MAGI3: variants seen among roughly 807,000 people sequenced by gnomAD.
The protein encoded by MAGI3 is membrane-associated guanylate kinase, WW and PDZ domain-containing protein 3.
Under a neutral mutation model 121.8 loss-of-function variants are expected in MAGI3, and 43 were observed. That is an observed-to-expected ratio of 0.35 (90% CI 0.28 to 0.46). MAGI3 has a LOEUF of 0.46. Ranked by LOEUF, MAGI3 falls within the 20% of genes least tolerant of loss-of-function variation. The pLI is 1.00. For synonymous variants in MAGI3, 553 were observed against 639.3 expected (o/e 0.86, Z 2.04); for missense variants, 1,547 against 1,797.3 (o/e 0.86, Z 2.52).
intron 3 of MAGI3, among the ~76,000 whole-genome samples, chr1:113,583,846 T>C (rs1238578627): frequency 6.6e-6 from 1 of 152,122 alleles, no homozygotes; most frequent in Non-Finnish European, 1.5e-5. Flanking sequence ...AACAAGGGAG[T>C]AGGTGAGTAG....
intron 19 of MAGI3, among the ~76,000 whole-genome samples, chr1:113,680,411 G>A (rs1557889579): frequency 6.6e-6 from 1 of 152,076 alleles, no homozygotes; most frequent in Non-Finnish European, 1.5e-5. Context: ...CAATGTCCAG[G>A]TTTACTCACG....
chr1:113,618,663 G>A lies in MAGI3; in HGVS notation c.1077-1073G>A, dbSNP rs546710181. The A allele has an allele frequency of 3.9e-4, 123 of 316,954 alleles. 2 individuals carry two copies. The highest frequency in any genetic ancestry group is 1.5e-3 in the African/African-American group (63 of 43,184). 19.6% of individuals were successfully genotyped at this position (316,954 alleles called of 1,614,324 possible). A position where few individuals can be genotyped will look rare whatever the true frequency, so the allele number is the denominator to read the frequency against. On this transcript the variant is annotated intron_variant, in intron 7 of 20. Transcript: ENST00000307546. ...TGGGATTACAGGCATGCACCACCAC[G>A]CCCAGCTTATTTTTGTATTTTTAGT...
intron 1 of MAGI3, among the ~76,000 whole-genome samples, chr1:113,463,518 G>C (rs1655134460): frequency 6.6e-6 from 1 of 152,056 alleles, no homozygotes; most frequent in Admixed American, 6.6e-5. Flanking sequence ...AGAGAAGTTT[G>C]ATCATTGACT....
At chr1:113,540,608 G>T (rs1434727312) in intron 1 of MAGI3, among the ~76,000 whole-genome samples, 1 of 152,210 alleles carries the variant, frequency 6.6e-6, no homozygotes, top group Admixed American at 6.5e-5. Flanking sequence ...GGGTGTGGAG[G>T]TTAGAAGGGT....
chr1:113,525,560 ATTAT>A (rs1658411301), intron 1 of MAGI3, among the ~76,000 whole-genome samples: 1 of 151,794 alleles, frequency 6.6e-6, no homozygotes, highest in Admixed American at 6.6e-5. Flanking sequence ...TAATAGTTAA[ATTAT>A]TTAACTATTA....
chr1:113,618,165 CAA>C (rs55670134), intron 7 of MAGI3, among the ~76,000 whole-genome samples: 26 of 149,616 alleles, frequency 1.7e-4, no homozygotes, highest in Middle Eastern at 3.4e-3. Flanking sequence ...CCCATCTCTA[CAA>C]AAAAAAAAAA....
chr1:113,431,618 T>G (rs945848998), intron 1 of MAGI3, among the ~76,000 whole-genome samples: 2 of 152,150 alleles, frequency 1.3e-5, no homozygotes, highest in Admixed American at 1.3e-4. Flanking sequence ...AAGACAATAT[T>G]TATAATTTCA....
intron 6 of MAGI3, among the ~76,000 whole-genome samples, chr1:113,609,564 T>A (rs530245638): frequency 1.3e-5 from 2 of 152,188 alleles, no homozygotes; most frequent in South Asian, 4.1e-4. Flanking sequence ...ATTTCTCTTA[T>A]GATGAAAGAA....
chr1:113,655,553 T>C (rs2100990762), intron 15 of MAGI3, among the ~76,000 whole-genome samples: 1 of 152,092 alleles, frequency 6.6e-6, no homozygotes, highest in Admixed American at 6.5e-5. Context: ...TTTTAAAAAT[T>C]TAAAAATCTT....
intron 1 of MAGI3, among the ~76,000 whole-genome samples, chr1:113,459,160 T>G (rs1654910061): frequency 6.6e-6 from 1 of 152,220 alleles, no homozygotes. Flanking sequence ...AAGGCAGTAT[T>G]TTTGAAAACT....
chr1:113,614,765 A>C (rs1650356541), intron 7 of MAGI3, 107 bp downstream of exon 7: 1 of 746,680 alleles, frequency 1.3e-6, no homozygotes, highest in African/African-American at 1.9e-5. Flanking sequence ...CCAGCTGTTG[A>C]GTTTTTCAAC....
At chr1:113,682,158 T>C in intron 20 of MAGI3, 1 of 1,271,378 alleles carries the variant, frequency 7.9e-7, no homozygotes, top group Non-Finnish European at 1.1e-6. Flanking sequence ...CTAACTGCAC[T>C]GATTTTTTTT....
intron 19 of MAGI3, among the ~76,000 whole-genome samples, chr1:113,679,520 T>G (rs1372031505): frequency 1.3e-5 from 2 of 152,156 alleles, no homozygotes; most frequent in Non-Finnish European, 2.9e-5. Flanking sequence ...TCAACATGTG[T>G]TTGCTTGAAA....
intron 16 of MAGI3, among the ~76,000 whole-genome samples, chr1:113,670,904 T>G (rs1444074342): frequency 6.6e-6 from 1 of 152,240 alleles, no homozygotes; most frequent in Non-Finnish European, 1.5e-5. Context: ...TCTTAATCAT[T>G]AAGCTGTGCT....
intron 1 of MAGI3, among the ~76,000 whole-genome samples, chr1:113,483,138 C>T (rs1656193712): frequency 6.6e-6 from 1 of 152,170 alleles, no homozygotes; most frequent in Non-Finnish European, 1.5e-5. Context: ...TAAAAGATTA[C>T]TGGAAAATTT....
rs757605589 is a variant in MAGI3, at chr1:113,584,912, G to A, written c.554-475G>A. Among the ~76,000 whole-genome samples, 66 of 149,972 alleles carry A rather than the reference G, an allele frequency of 4.4e-4. 1 individual carries two copies. The highest frequency in any genetic ancestry group is 3.9e-3 in the Admixed American group (58 of 15,060). The stretch of plus-strand genomic sequence containing the variant: ...TCCCCTATTTCTGCTCTCTCTTCTC[G>A]TAAGATGAGTGCTTTGAGCGCTTTG... On this transcript the variant is annotated intron_variant, in intron 3 of 20. Coordinates refer to ENST00000307546, the MANE Select transcript of MAGI3 (RefSeq NM_001142782.2).
intron 7 of MAGI3, among the ~76,000 whole-genome samples, chr1:113,616,984 A>C (rs1470756545): frequency 6.7e-6 from 1 of 148,348 alleles, no homozygotes; most frequent in Non-Finnish European, 1.5e-5. Context: ...TCTGCCTCCC[A>C]GGTTCAAGTG....
chr1:113,395,890 T>A (rs935530053), intron 1 of MAGI3, among the ~76,000 whole-genome samples: 1 of 152,156 alleles, frequency 6.6e-6, no homozygotes, highest in African/African-American at 2.4e-5. Context: ...GATTTTTAGA[T>A]GATTTTAAAT....
At chr1:113,475,653 T>C (rs1655778413) in intron 1 of MAGI3, among the ~76,000 whole-genome samples, 1 of 152,184 alleles carries the variant, frequency 6.6e-6, no homozygotes, top group Admixed American at 6.5e-5. Flanking sequence ...ATTGAGGATT[T>C]TCGCATCAAT....
Sources: gnomAD v4.1 joint callset for allele counts (sites outside exome capture counted in the v4.1 genomes callset) on GRCh38, gnomAD v4.1.1 for gene constraint, MANE v1.5 for transcripts, NCBI Gene and HGNC (gene_info 2026-07-23, HGNC 2026-07-21) for gene names.